Variants in ZNF140 observed in about 807,000 individuals in gnomAD.
The protein encoded by ZNF140 is zinc finger protein 140.
Under a neutral mutation model 12.9 loss-of-function variants are expected in ZNF140, and 13 were observed. The observed-to-expected ratio is 1.01, with a 90% confidence interval of 0.66 to 1.60. ZNF140 has a LOEUF of 1.60. ZNF140 is among the 40% of genes most tolerant of loss of function. ZNF140 has a pLI of 0.00. For missense variants in ZNF140, 531 were observed against 548.8 expected (o/e 0.97, Z 0.32); for synonymous variants, 214 against 186.7 (o/e 1.15, Z -1.19).
At chr12:133,102,963 ACT>A (rs1392624389) in intron 4 of ZNF140, among the ~76,000 whole-genome samples, 11 of 149,458 alleles carry the variant, frequency 7.4e-5, no homozygotes, top group Non-Finnish European at 1.0e-4. Context: ...TGTGTTTTTT[ACT>A]CTCATTGTTG....
chr12:133,087,951 T>C (rs943478353), intron 4 of ZNF140, among the ~76,000 whole-genome samples: 3 of 151,910 alleles, frequency 2.0e-5, no homozygotes, highest in Admixed American at 6.6e-5. Flanking sequence ...GCCAACATGG[T>C]GAAACCCGTC....
chr12:133,092,942 G>C (rs1954943322), intron 4 of ZNF140, among the ~76,000 whole-genome samples: 1 of 151,006 alleles, frequency 6.6e-6, no homozygotes, highest in Non-Finnish European at 1.5e-5. Flanking sequence ...TTTTCCCTTA[G>C]GCCTAAATTT....
chr12:133,101,354 T>A (rs932084250), intron 4 of ZNF140, among the ~76,000 whole-genome samples: 1 of 152,156 alleles, frequency 6.6e-6, no homozygotes, highest in Admixed American at 6.6e-5. Flanking sequence ...TTTTTTTCCC[T>A]CAATATTTTA....
intron 4 of ZNF140, 142 bp from the exon 5 acceptor site, chr12:133,105,368 C>T (rs1330154932): frequency 1.3e-6 from 1 of 796,260 alleles, no homozygotes; most frequent in African/African-American, 1.7e-5. Flanking sequence ...GGGCATACTA[C>T]TCAGATTTCA....
intron 4 of ZNF140, chr12:133,100,853 T>C (rs973850743): frequency 1.7e-4 from 55 of 319,568 alleles, no homozygotes; most frequent in African/African-American, 8.7e-4. Context: ...AGCATAGATA[T>C]GCCAGGACAA....
rs1954572036 is a variant in ZNF140, at chr12:133,083,567, T to C, written c.232+6T>C. The C allele has an allele frequency of 2.5e-6, 4 of 1,611,324 alleles. No individual in the cohort carries two copies. The South Asian group carries it at 4.4e-5, about 18-fold the overall frequency. ...GAAAAGAGATCTGTTTTCAGGTGAG[T>C]GAGTTGGAAGCTGATGGGGAAATTT... On this transcript the variant is annotated splice_donor_region_variant and intron_variant, in intron 4 of 4. Coordinates refer to ENST00000355557, the MANE Select transcript of ZNF140 (RefSeq NM_003440.4).
Position 133,105,999 on chromosome 12 carries a change from G to T in ZNF140, c.722G>T (p.Gly241Val), listed in dbSNP as rs749048948. 2 of 1,614,048 alleles carry T rather than the reference G, an allele frequency of 1.2e-6. No individual in the cohort carries two copies. ...FLIEHQRTHTGEKPYECTECG... is the reference protein window; with the variant it reads ...FLIEHQRTHTVEKPYECTECG... ...ATTGAACACCAGAGAACGCACACTG[G>T]GGAGAAACCTTATGAATGTACTGAG... The change falls in exon 5 of 5, where the codon GGG becomes GTG. Residue 241 changes from glycine (G) to valine (V), a missense_variant. By Grantham distance (109) the Gly-to-Val change is moderately radical. Transcript: ENST00000355557.
intron 2 of ZNF140, 176 bp from the exon 3 acceptor site, chr12:133,082,927 A>G: frequency 1.2e-6 from 1 of 821,760 alleles, no homozygotes; most frequent in Non-Finnish European, 1.8e-6. Context: ...CTCCAGTTAT[A>G]CAACAAAACA....
chr12:133,085,922 G>A (rs889519295), intron 4 of ZNF140, among the ~76,000 whole-genome samples: 1 of 152,172 alleles, frequency 6.6e-6, no homozygotes, highest in Non-Finnish European at 1.5e-5. Flanking sequence ...GAGAGGTTGA[G>A]GTAAGAGAAC....
chr12:133,090,512 C>T (rs914145526), intron 4 of ZNF140, among the ~76,000 whole-genome samples: 6 of 152,062 alleles, frequency 3.9e-5, no homozygotes, highest in Non-Finnish European at 7.3e-5. Context: ...AATTTCCTGA[C>T]ATAGAACGTA....
intron 4 of ZNF140, among the ~76,000 whole-genome samples, chr12:133,085,066 C>T (rs1317383902): frequency 6.6e-6 from 1 of 152,042 alleles, no homozygotes; most frequent in African/African-American, 2.4e-5. Context: ...CTCTTGCCCC[C>T]TAGGCTGGAG....
intron 4 of ZNF140, among the ~76,000 whole-genome samples, chr12:133,094,498 C>T (rs896187955): frequency 6.6e-6 from 1 of 151,172 alleles, no homozygotes; most frequent in Non-Finnish European, 1.5e-5. Context: ...GCTCTCAAAT[C>T]AGTTAGCATG....
intron 4 of ZNF140, among the ~76,000 whole-genome samples, chr12:133,099,141 C>T (rs999194323): frequency 2.7e-4 from 40 of 150,850 alleles, no homozygotes; most frequent in African/African-American, 9.8e-4. Flanking sequence ...TCCCAAAGTG[C>T]TGGGATTACA....
At chr12:133,081,239 C>G (rs1404643751) in intron 1 of ZNF140, 34 bp from the exon 2 acceptor site, 1 of 1,226,172 alleles carries the variant, frequency 8.2e-7, no homozygotes, top group South Asian at 1.3e-5. Context: ...CCTAGCTGGC[C>G]TGTTCGCTCA....
intron 4 of ZNF140, 39 bp downstream of exon 4, chr12:133,083,600 CCACT>C: frequency 6.4e-7 from 1 of 1,554,440 alleles, no homozygotes; most frequent in African/African-American, 1.4e-5. Flanking sequence ...TTTTTTAAAA[CCACT>C]CAATTAGTCA....
chr12:133,096,335 A>G (rs1317269899), intron 4 of ZNF140, among the ~76,000 whole-genome samples: 1 of 152,160 alleles, frequency 6.6e-6, no homozygotes, highest in African/African-American at 2.4e-5. Context: ...GGTTGGGTCA[A>G]AGTGGCTGGG....
At chr12:133,085,516 C>CCT (rs1954645978) in intron 4 of ZNF140, among the ~76,000 whole-genome samples, 1 of 152,180 alleles carries the variant, frequency 6.6e-6, no homozygotes, top group Non-Finnish European at 1.5e-5. Context: ...CTGCTAGGTT[C>CCT]CTTGAGAGCC....
At chr12:133,095,724 A>G (rs868634261) in intron 4 of ZNF140, among the ~76,000 whole-genome samples, 5 of 151,718 alleles carry the variant, frequency 3.3e-5, no homozygotes, top group South Asian at 2.1e-4. Flanking sequence ...AGGTCAGCAA[A>G]AAACATGTGA....
chr12:133,102,969 A>G (rs1955409280), intron 4 of ZNF140, among the ~76,000 whole-genome samples: 1 of 128,460 alleles, frequency 7.8e-6, no homozygotes, highest in South Asian at 2.2e-4. Context: ...TTTTACTCTC[A>G]TTGTTGTGAG....
Sources: gnomAD v4.1 joint callset for allele counts (sites outside exome capture counted in the v4.1 genomes callset) on GRCh38, gnomAD v4.1.1 for gene constraint, MANE v1.5 for transcripts, NCBI Gene and HGNC (gene_info 2026-07-23, HGNC 2026-07-21) for gene names.